The following SPAG9 variants were observed in gnomAD, a reference collection of about 807,000 sequenced individuals.
SPAG9 encodes C-Jun-amino-terminal kinase-interacting protein 4.
SPAG9 carries 35 observed loss-of-function variants against 166.5 expected under a neutral mutation model. The observed-to-expected ratio is 0.21, with a 90% CI of 0.16 to 0.28. The LOEUF (loss-of-function observed/expected upper bound fraction) is 0.28. Ranked by LOEUF, SPAG9 falls within the 10% of genes least tolerant of loss-of-function variation. The pLI is 1.00. For missense variants in SPAG9, 1,235 were observed against 1,603.3 expected (o/e 0.77, Z 3.92); for synonymous variants, 534 against 565.5 (o/e 0.94, Z 0.79).
intron 1 of SPAG9, among the ~76,000 whole-genome samples, chr17:51,093,880 C>T (rs2048541143): frequency 6.6e-6 from 1 of 151,964 alleles, no homozygotes; most frequent in Admixed American, 6.6e-5. Context: ...AGGTGGCCTT[C>T]CTTGCTCACC....
intron 4 of SPAG9, among the ~76,000 whole-genome samples, chr17:51,045,162 C>T (rs867393012): frequency 2.6e-5 from 4 of 152,312 alleles, no homozygotes; most frequent in Middle Eastern, 6.8e-3. Flanking sequence ...AGAGCATTTG[C>T]ACCCAGGCAG....
In SPAG9 at chr17:51,017,097, C is replaced by T. The variant is rs192716204; in HGVS notation, c.1092-2744G>A. On this transcript the variant is annotated intron_variant, in intron 8 of 29. Transcript: ENST00000262013. ...TATATCCTCATCTACTACAGAAAGCCAACAGCTAGCATCACAGCCTTTTTC... is the reference window on the plus strand; with the variant it reads ...TATATCCTCATCTACTACAGAAAGCTAACAGCTAGCATCACAGCCTTTTTC... Among the ~76,000 whole-genome samples, 137 of 152,160 alleles carry T rather than the reference C, an allele frequency of 9.0e-4. 1 individual carries two copies. The South Asian group carries it at 0.011, about 12-fold the overall frequency.
intron 6 of SPAG9, among the ~76,000 whole-genome samples, chr17:51,025,822 G>A (rs2046144921): frequency 6.6e-6 from 1 of 152,050 alleles, no homozygotes; most frequent in Non-Finnish European, 1.5e-5. Flanking sequence ...AACCCAGGAG[G>A]CAGAGGCTGC....
At chr17:50,969,149 T>C (rs1002243184) in intron 29 of SPAG9, among the ~76,000 whole-genome samples, 1 of 152,118 alleles carries the variant, frequency 6.6e-6, no homozygotes, top group African/African-American at 2.4e-5. Context: ...ACCTTTTCTT[T>C]TAGCTCCTTG....
intron 3 of SPAG9, among the ~76,000 whole-genome samples, chr17:51,054,137 T>C (rs1409780817): frequency 7.0e-6 from 1 of 142,690 alleles, no homozygotes; most frequent in Non-Finnish European, 1.5e-5. Flanking sequence ...TTTTTTTTTT[T>C]TTGGAGACAG....
At chr17:51,008,869 C>T (rs958889434) in intron 9 of SPAG9, among the ~76,000 whole-genome samples, 2 of 152,068 alleles carry the variant, frequency 1.3e-5, no homozygotes, top group African/African-American at 4.8e-5. Context: ...TTTGTAGATA[C>T]AATGGCTGGG....
Position 50,966,338 on chromosome 17 carries a change from T to C in SPAG9, c.3900A>G (p.Glu1300=), listed in dbSNP as rs1295164357. The C allele has an allele frequency of 6.2e-7, 1 of 1,613,990 alleles. No homozygotes were observed. ...TCCTTTCTGCTTTGGTGACAGAAGG[T>C]TCAAGTGGAAGATCCTCTCCAAGAA... The part of the protein sequence containing the change: ...SELLGEDLPL[E]PSVTKAERSH... The change falls in exon 30 of 30, where the codon GAA becomes GAG. Residue 1300 remains glutamate (E), a synonymous_variant. Transcript: ENST00000262013.
At chr17:51,017,519 TGA>T (rs60839678) in intron 8 of SPAG9, among the ~76,000 whole-genome samples, 5,461 of 147,000 alleles carry the variant, frequency 0.037, 261 homozygotes, top group African/African-American at 0.11. Flanking sequence ...AGAACCTGTC[TGA>T]GAGAGAGAGA....
chr17:51,102,055 G>C (rs2048821934), intron 1 of SPAG9, among the ~76,000 whole-genome samples: 1 of 151,944 alleles, frequency 6.6e-6, no homozygotes, highest in African/African-American at 2.4e-5. Flanking sequence ...CATTTTATCT[G>C]TTACTCTAAG....
chr17:50,970,685 G>A (rs1193334775), intron 29 of SPAG9, 22 bp downstream of exon 29: 2 of 1,608,292 alleles, frequency 1.2e-6, no homozygotes, highest in Non-Finnish European at 1.7e-6. Context: ...TGCAAACTGA[G>A]CACCCAGAAC....
intron 2 of SPAG9, among the ~76,000 whole-genome samples, chr17:51,075,826 AG>A (rs2047954124): frequency 1.3e-5 from 2 of 151,982 alleles, no homozygotes; most frequent in African/African-American, 4.8e-5. Context: ...TCGGTCTCTG[AG>A]AAAAAAAGAA....
At chr17:51,077,045 G>GCTAGCTAGCTAT (rs1286370251) in intron 2 of SPAG9, among the ~76,000 whole-genome samples, 1 of 99,022 alleles carries the variant, frequency 1.0e-5, no homozygotes, top group Admixed American at 1.1e-4. Context: ...TAGCTATCTA[G>GCTAGCTAGCTAT]CTATCTAGCT....
intron 1 of SPAG9, among the ~76,000 whole-genome samples, chr17:51,095,958 G>GATATATATAGTGAT (rs2048617176): frequency 2.0e-5 from 2 of 99,256 alleles, no homozygotes; most frequent in Non-Finnish European, 3.7e-5. Flanking sequence ...TATATATAGT[G>GATATATATAGTGAT]ATATATATAT....
Position 50,989,879 on chromosome 17 carries a change from A to C in SPAG9, c.2618-7T>G. 6.2e-7 allele frequency: 1 copy of C among 1,613,246 alleles called. No homozygotes were observed. On this transcript the variant is annotated splice_region_variant and splice_polypyrimidine_tract_variant and intron_variant, in intron 20 of 29. Coordinates refer to ENST00000262013, the MANE Select transcript of SPAG9 (RefSeq NM_001130528.3). ...CTATTTTCTGCTTCCATTTCTACAA[A>C]GTAAATAAAACACTATTCCAAGTCT...
intron 12 of SPAG9, 87 bp downstream of exon 12, chr17:51,005,125 A>G: frequency 1.8e-6 from 2 of 1,097,196 alleles, no homozygotes; most frequent in Non-Finnish European, 2.7e-6. Context: ...TCTTTATAGT[A>G]TTATATCCAA....
At position 50,979,856 on chromosome 17, in the gene SPAG9, T is replaced by A. The variant is rs1363010425; in HGVS notation, c.3299A>T (p.Asp1100Val). 6.2e-7 allele frequency: 1 copy of A among 1,614,074 alleles called. No individual in the cohort carries two copies. The highest frequency in any genetic ancestry group is 1.7e-5 in the Admixed American group (1 of 60,020). Reference protein sequence around the residue: ...SQVRQLAWVGDGVWVSIRLDS... With the variant: ...SQVRQLAWVGVGVWVSIRLDS... Reference sequence around the variant, plus strand: ...CAAGCGAATGGAGACCCACACGCCATCCCCCACCCACGCAAGCTGTCGCAC... The same window carrying A: ...CAAGCGAATGGAGACCCACACGCCAACCCCCACCCACGCAAGCTGTCGCAC... Residue 1100 changes from aspartate (D) to valine (V), a missense_variant, in exon 26 of 30, where the codon GAT becomes GTT. Physicochemically the swap from Asp to Val is radical, Grantham distance 152. Coordinates refer to ENST00000262013, the MANE Select transcript of SPAG9 (RefSeq NM_001130528.3).
intron 8 of SPAG9, among the ~76,000 whole-genome samples, chr17:51,015,198 G>A (rs1328015829): frequency 1.3e-5 from 2 of 152,160 alleles, no homozygotes; most frequent in East Asian, 1.9e-4. Flanking sequence ...ATAGACCAGA[G>A]AAAGCTGAAA....
chr17:51,009,146 C>A (rs1462927682), intron 9 of SPAG9: 1 of 452,970 alleles, frequency 2.2e-6, no homozygotes. Context: ...TATTCCCCTA[C>A]GTAAGCAGCC....
At chr17:51,005,375 C>A in intron 11 of SPAG9, 112 bp from the exon 12 acceptor site, 2 of 1,013,202 alleles carry the variant, frequency 2.0e-6, no homozygotes, top group South Asian at 1.5e-5. Context: ...TTTTTCTTTT[C>A]CCAAACAGGG....
Sources: gnomAD v4.1 joint callset for allele counts (sites outside exome capture counted in the v4.1 genomes callset) on GRCh38, gnomAD v4.1.1 for gene constraint, MANE v1.5 for transcripts, NCBI Gene and HGNC (gene_info 2026-07-23, HGNC 2026-07-21) for gene names.